SH3PXD2A: variants seen among roughly 807,000 people sequenced by gnomAD.
SH3PXD2A encodes SH3 and PX domains 2A.
A neutral mutation model predicts 115.2 loss-of-function variants in SH3PXD2A; 32 were observed. The ratio of observed to expected loss-of-function variants is 0.28; its 90% CI spans 0.21 to 0.37. The LOEUF (loss-of-function observed/expected upper bound fraction) is 0.37, where lower values mean the gene tolerates loss of function less well. SH3PXD2A is among the 10% of genes least tolerant of loss of function. The pLI is 1.00. For synonymous variants in SH3PXD2A, 610 were observed against 629.1 expected, an observed-to-expected ratio of 0.97 and a Z score of 0.45; for missense variants, 1,328 against 1,498.7, an observed-to-expected ratio of 0.89 and a Z score of 1.88.
Position 103,622,419 on chromosome 10 carries a change from C to T in SH3PXD2A, c.802+51G>A, listed in dbSNP as rs1018892328. 1.8e-5 allele frequency: 21 copies of T among 1,191,128 alleles called. No individual in the cohort carries two copies. The African/African-American group carries it at 2.0e-4, about 11-fold the overall frequency. The allele number at this position is 1,191,128 out of a possible 1,614,324, so 73.8% of individuals were successfully genotyped here. ...GCCCGGAAAGAAAGAGCAGTGTTAG[C>T]GAGAGACAGGCGGTCGCTGCGAGGG... On this transcript the variant is annotated intron_variant, in intron 10 of 14. Transcript: ENST00000369774.
Position 103,784,117 on chromosome 10 carries a change from C to T in SH3PXD2A, c.154-16948G>A, listed in dbSNP as rs1286500558. 5.3e-5 allele frequency among the ~76,000 whole-genome samples: 8 copies of T among 152,268 alleles called. No homozygotes were observed. On this transcript the variant is annotated intron_variant, in intron 2 of 14. Transcript: ENST00000369774. The surrounding 1 kb of genome is among the most constrained non-coding windows in gnomAD (Gnocchi z 4.4). ...GGCTCCTTTCAAACAGGGGAGCTGC[C>T]CACCTGGAATGAGATGCAGGAGGAG...
At chr10:103,807,909 G>A (rs968502114) in intron 1 of SH3PXD2A, among the ~76,000 whole-genome samples, 4 of 152,176 alleles carry the variant, frequency 2.6e-5, no homozygotes, top group African/African-American at 4.8e-5. Context: ...CACGATCACC[G>A]CTCTGGCTTC....
At chr10:103,637,095 A>C (rs1400205964) in intron 8 of SH3PXD2A, among the ~76,000 whole-genome samples, 1 of 152,176 alleles carries the variant, frequency 6.6e-6, no homozygotes, top group Non-Finnish European at 1.5e-5. Flanking sequence ...GTCCTGTTCC[A>C]GGCACGAGGA....
In SH3PXD2A at chr10:103,843,474, C is replaced by T. The variant is rs143721963; in HGVS notation, c.72+11721G>A. Among the ~76,000 whole-genome samples the T allele has an allele frequency of 3.1e-3, 473 of 152,334 alleles. 1 individual carries two copies. The highest frequency in any genetic ancestry group is 7.8e-3 in the African/African-American group (323 of 41,588). On this transcript the variant is annotated intron_variant, in intron 1 of 14. Coordinates refer to ENST00000369774, the MANE Select transcript of SH3PXD2A (RefSeq NM_001394015.1). Reference sequence around the variant, plus strand: ...GAGGATGTGGAGACTGGCAGCTGAACCCTCTGAAGGGCCAGGCCTTCAAAA... The same window carrying T: ...GAGGATGTGGAGACTGGCAGCTGAATCCTCTGAAGGGCCAGGCCTTCAAAA...
intron 5 of SH3PXD2A, among the ~76,000 whole-genome samples, chr10:103,715,898 G>A (rs1360117429): frequency 6.6e-6 from 1 of 152,208 alleles, no homozygotes; most frequent in Non-Finnish European, 1.5e-5. Context: ...GGCTGGCAGA[G>A]TTCATCTGTC....
At chr10:103,781,442 T>C (rs963767506) in intron 2 of SH3PXD2A, among the ~76,000 whole-genome samples, 1 of 152,232 alleles carries the variant, frequency 6.6e-6, no homozygotes, top group Non-Finnish European at 1.5e-5. Context: ...AATGACTGCC[T>C]GGAGCAGAGC....
intron 11 of SH3PXD2A, among the ~76,000 whole-genome samples, chr10:103,613,467 G>A (rs2036461982): frequency 6.6e-6 from 1 of 152,254 alleles, no homozygotes; most frequent in East Asian, 1.9e-4. Flanking sequence ...GCAAATGTGG[G>A]AGCTTGGGAT....
At chr10:103,673,277 A>ACAC (rs2134088002) in intron 6 of SH3PXD2A, 1 of 152,236 alleles carries the variant, frequency 6.6e-6, no homozygotes, top group South Asian at 2.1e-4. Flanking sequence ...AATAATAATA[A>ACAC]TAAAGGCTGG....
chr10:103,620,533 G>A lies in SH3PXD2A; in HGVS notation c.802+1937C>T, dbSNP rs1473639910. 6.6e-6 allele frequency among the ~76,000 whole-genome samples: 1 copy of A among 152,178 alleles called. No individual in the cohort carries two copies. Among genetic ancestry groups the A allele is most frequent in the East Asian group, 1.9e-4 (1 of 5,198 alleles). The stretch of plus-strand genomic sequence containing the variant: ...GCTGAGGGAACGGGGAGCGGAGGCC[G>A]TGGGGAAGCTCCGCTTTTCTCTTGT... On this transcript the variant is annotated intron_variant, in intron 10 of 14. Coordinates refer to ENST00000369774, the MANE Select transcript of SH3PXD2A (RefSeq NM_001394015.1). The surrounding 1 kb of genome is among the most constrained non-coding windows in gnomAD (Gnocchi z 5.3).
At chr10:103,683,316 G>A (rs1022809514) in intron 6 of SH3PXD2A, among the ~76,000 whole-genome samples, 1 of 152,034 alleles carries the variant, frequency 6.6e-6, no homozygotes, top group Admixed American at 6.6e-5. Context: ...AGTTCAAGAC[G>A]ACCCTGGGCA....
chr10:103,763,850 C>T (rs1294167194), intron 3 of SH3PXD2A, among the ~76,000 whole-genome samples: 7 of 152,230 alleles, frequency 4.6e-5, no homozygotes, highest in Non-Finnish European at 1.0e-4. Flanking sequence ...TAAAAGCTGT[C>T]CCCTAAGATG....
intron 8 of SH3PXD2A, among the ~76,000 whole-genome samples, chr10:103,635,488 C>T (rs1285990128): frequency 3.9e-5 from 6 of 152,190 alleles, no homozygotes; most frequent in African/African-American, 1.4e-4. Context: ...CTGGAGTGCC[C>T]TTATGCTGAG....
At position 103,622,341 on chromosome 10, in the gene SH3PXD2A, A is replaced by G. The variant is rs1254948909; in HGVS notation, c.802+129T>C. The stretch of plus-strand genomic sequence containing the variant: ...ACACCAGCTGCAGTAGGTGAGAAGA[A>G]AGCCTGGCCCGTGAATCTGGGTGAA... On this transcript the variant is annotated intron_variant, in intron 10 of 14. Transcript: ENST00000369774. The G allele has an allele frequency of 1.5e-5, 10 of 663,658 alleles. No individual in the cohort carries two copies. In the East Asian group the frequency reaches 2.8e-4, roughly 18 times the overall value. 41.1% of individuals were successfully genotyped at this position (663,658 alleles called of 1,614,324 possible). A position where few individuals can be genotyped will look rare whatever the true frequency, so the allele number is the denominator to read the frequency against.
chr10:103,740,731 T>A (rs1242878578), intron 3 of SH3PXD2A, among the ~76,000 whole-genome samples: 1 of 152,252 alleles, frequency 6.6e-6, no homozygotes, highest in Non-Finnish European at 1.5e-5. Context: ...TGCATGCATG[T>A]ACAACTCCTT....
intron 11 of SH3PXD2A, among the ~76,000 whole-genome samples, chr10:103,614,414 C>G (rs1478393967): frequency 6.6e-6 from 1 of 152,006 alleles, no homozygotes; most frequent in African/African-American, 2.4e-5. Flanking sequence ...AAGCAGAAAC[C>G]ATAAGTGAAA....
At chr10:103,639,024 T>C (rs2133979580) in intron 8 of SH3PXD2A, among the ~76,000 whole-genome samples, 1 of 152,272 alleles carries the variant, frequency 6.6e-6, no homozygotes. Flanking sequence ...TAAGATGGCA[T>C]GAGGCCTCTC....
At chr10:103,828,288 T>C (rs2039450324) in intron 1 of SH3PXD2A, among the ~76,000 whole-genome samples, 1 of 152,128 alleles carries the variant, frequency 6.6e-6, no homozygotes, top group South Asian at 2.1e-4. Flanking sequence ...TGGGAGTTCT[T>C]CCTGATGATT....
At chr10:103,684,278 C>T (rs930039934) in intron 6 of SH3PXD2A, among the ~76,000 whole-genome samples, 5 of 152,182 alleles carry the variant, frequency 3.3e-5, no homozygotes, top group African/African-American at 1.2e-4. Context: ...CTGCCCACCC[C>T]ATACCCTGGG....
intron 6 of SH3PXD2A, among the ~76,000 whole-genome samples, chr10:103,689,158 GC>G (rs2037716940): frequency 6.6e-6 from 1 of 152,172 alleles, no homozygotes; most frequent in African/African-American, 2.4e-5. Context: ...ACAGGAGTGA[GC>G]CACTGCACCC....
Sources: gnomAD v4.1 joint callset for allele counts (sites outside exome capture counted in the v4.1 genomes callset) on GRCh38, gnomAD v4.1.1 for gene constraint, Gnocchi (gnomAD v3.1) non-coding constraint, MANE v1.5 for transcripts, NCBI Gene and HGNC (gene_info 2026-07-23, HGNC 2026-07-21) for gene names.